PPP2R2A: variants seen among roughly 807,000 people sequenced by gnomAD.
PPP2R2A encodes serine/threonine-protein phosphatase 2A 55 kDa regulatory subunit B alpha isoform.
In PPP2R2A, 9 loss-of-function variants were observed where a neutral mutation model predicts 53.2. The observed-to-expected ratio is 0.17, with a 90% CI of 0.10 to 0.30. PPP2R2A has a LOEUF of 0.30. Among genes scored for constraint, PPP2R2A ranks in the 10% least tolerant of loss-of-function variants. The probability of loss-of-function intolerance (pLI) is 1.00; values close to 1 mark genes in which losing one functional copy is unlikely to be tolerated. For synonymous variants in PPP2R2A, 169 were observed against 174.2 expected (o/e 0.97, Z 0.23); for missense variants, 235 against 534.6 (o/e 0.44, Z 5.53).
At position 26,370,332 on chromosome 8, in the gene PPP2R2A, C is replaced by T. The variant is rs1019920773; in HGVS notation, c.1263C>T (p.His421=). The T allele has an allele frequency of 2.5e-6, 4 of 1,614,162 alleles. No individual in the cohort carries two copies. Among genetic ancestry groups the T allele is most frequent in the Middle Eastern group, 1.6e-4 (1 of 6,062 alleles). The change falls in exon 10 of 10, where the codon CAC becomes CAT. Residue 421 remains histidine (H), a synonymous_variant. Transcript: ENST00000380737. This position sits in a 1 kb window ranked among gnomAD's most constrained non-coding sequence, Gnocchi z 6.1. The part of the protein sequence containing the change: ...DSLDFNKKIL[H]TAWHPKENII... ...TAGACTTCAATAAGAAAATCCTTCA[C>T]ACAGCCTGGCACCCCAAGGAAAATA...
At chr8:26,366,041 C>T (rs1285992253) in intron 8 of PPP2R2A, 2 of 302,940 alleles carry the variant, frequency 6.6e-6, no homozygotes, top group Non-Finnish European at 1.2e-5. Context: ...GTGTTTTTGG[C>T]CTGAATGTTT....
At chr8:26,358,676 T>C (rs1300979531) in intron 4 of PPP2R2A, among the ~76,000 whole-genome samples, 1 of 152,214 alleles carries the variant, frequency 6.6e-6, no homozygotes. Flanking sequence ...ATAAACAATT[T>C]TGTTACACCA....
rs1411423079 is a variant in PPP2R2A, at chr8:26,321,141, G to C, written c.83-17749G>C. Among the ~76,000 whole-genome samples the C allele has an allele frequency of 6.6e-6, 1 of 152,202 alleles. No individual in the cohort carries two copies. Among genetic ancestry groups the C allele is most frequent in the East Asian group, 1.9e-4 (1 of 5,196 alleles). ...AGAAACATCGTGAGAGAAGGCCTTA[G>C]TGTTCATTTCTGTGGTTGTGAAGCG... On this transcript the variant is annotated intron_variant, in intron 2 of 9. Coordinates refer to ENST00000380737, the MANE Select transcript of PPP2R2A (RefSeq NM_002717.4). This position sits in a 1 kb window ranked among gnomAD's most constrained non-coding sequence, Gnocchi z 4.1.
At chr8:26,309,793 G>A (rs1235938736) in intron 2 of PPP2R2A, among the ~76,000 whole-genome samples, 2 of 152,188 alleles carry the variant, frequency 1.3e-5, no homozygotes, top group African/African-American at 4.8e-5. Flanking sequence ...GGAGCAGTCA[G>A]AACACGCAGC....
chr8:26,291,729 C>T lies in PPP2R2A; in HGVS notation c.-91C>T, dbSNP rs1438004108. On this transcript the variant is annotated 5_prime_UTR_variant, in exon 1 of 10. Transcript: ENST00000380737. The stretch of plus-strand genomic sequence containing the variant: ...GCAGGTGCCATCCGCCGCCATCCGC[C>T]CTCTCTACCCCCCCATCCCCAGGTG... 3.6e-6 allele frequency: 5 copies of T among 1,406,844 alleles called. No individual in the cohort carries two copies. Among genetic ancestry groups the T allele is most frequent in the East Asian group, 2.7e-5 (1 of 36,892 alleles). 87.1% of individuals were successfully genotyped at this position (1,406,844 alleles called of 1,614,324 possible). A position where few individuals can be genotyped will look rare whatever the true frequency, so the allele number is the denominator to read the frequency against.
Position 26,366,354 on chromosome 8 carries a change from GA to G in PPP2R2A, c.1016del (p.Asn339MetfsTer20). 6.2e-7 allele frequency: 1 copy of G among 1,603,920 alleles called. No individual in the cohort carries two copies. Among genetic ancestry groups the G allele is most frequent in the South Asian group, 1.1e-5 (1 of 88,250 alleles). On this transcript the variant is annotated frameshift_variant, in exon 9 of 10. Transcript: ENST00000380737. LOFTEE classifies it high-confidence loss of function. ...YLRSKLCSLY[E>X]NDCIFDKFEC... ...CAGAAGTAAACTCTGTTCACTGTAT[GA>G]AAATGACTGCATATTTGACAAATTT...
chr8:26,357,851 T>C lies in PPP2R2A; in HGVS notation c.347-2318T>C, dbSNP rs532207584. On this transcript the variant is annotated intron_variant, in intron 4 of 9. Transcript: ENST00000380737. Reference sequence around the variant, plus strand: ...AGGGGAACACCACAGTGTGGTCGTTTTGGAAGGAACAGATCTTGAGAATCT... The same window carrying C: ...AGGGGAACACCACAGTGTGGTCGTTCTGGAAGGAACAGATCTTGAGAATCT... Among the ~76,000 whole-genome samples the C allele has an allele frequency of 6.6e-5, 10 of 152,166 alleles. No individual in the cohort carries two copies. The South Asian group carries it at 1.0e-3, about 16-fold the overall frequency.
intron 2 of PPP2R2A, among the ~76,000 whole-genome samples, chr8:26,313,776 A>G (rs1346697110): frequency 6.6e-6 from 1 of 152,240 alleles, no homozygotes; most frequent in East Asian, 1.9e-4. Context: ...TCCAGAAGCG[A>G]GGAAAGGCAA....
intron 2 of PPP2R2A, among the ~76,000 whole-genome samples, chr8:26,305,829 G>A (rs1801990886): frequency 6.6e-6 from 1 of 151,838 alleles, no homozygotes; most frequent in Admixed American, 6.6e-5. Flanking sequence ...ATTGAGATGG[G>A]GATGTAGTAC....
At chr8:26,330,991 G>A (rs1237973092) in intron 2 of PPP2R2A, among the ~76,000 whole-genome samples, 2 of 152,088 alleles carry the variant, frequency 1.3e-5, no homozygotes, top group African/African-American at 4.8e-5. Context: ...ACCTGCTGGT[G>A]GGGATTTCTC....
chr8:26,345,194 A>G (rs1340219288), intron 3 of PPP2R2A, among the ~76,000 whole-genome samples: 1 of 152,190 alleles, frequency 6.6e-6, no homozygotes. Flanking sequence ...TTCTCCACCA[A>G]AAACAACTCC....
chr8:26,308,316 C>G (rs1585333077), intron 2 of PPP2R2A, among the ~76,000 whole-genome samples: 1 of 152,208 alleles, frequency 6.6e-6, no homozygotes, highest in East Asian at 1.9e-4. Flanking sequence ...CATCAGTTGA[C>G]TCTTTCATGA....
chr8:26,345,799 C>T (rs1345494374), intron 3 of PPP2R2A, among the ~76,000 whole-genome samples: 1 of 152,024 alleles, frequency 6.6e-6, no homozygotes, highest in Non-Finnish European at 1.5e-5. Flanking sequence ...TACTTTACGC[C>T]TTAATACTCC....
At chr8:26,298,074 G>A (rs1300995951) in intron 2 of PPP2R2A, among the ~76,000 whole-genome samples, 2 of 152,228 alleles carry the variant, frequency 1.3e-5, no homozygotes, top group Non-Finnish European at 2.9e-5. Flanking sequence ...CTACCCTTAA[G>A]CTGTTGGAAA....
At chr8:26,293,131 C>CT in intron 1 of PPP2R2A, 5 of 1,097,908 alleles carry the variant, frequency 4.6e-6, no homozygotes, top group Non-Finnish European at 6.4e-6. Context: ...CTTTTCCTCT[C>CT]TGTCTGGAGC....
At chr8:26,312,791 C>A (rs1802350199) in intron 2 of PPP2R2A, among the ~76,000 whole-genome samples, 1 of 152,100 alleles carries the variant, frequency 6.6e-6, no homozygotes, top group Admixed American at 6.5e-5. Context: ...TGCTTCCTTA[C>A]CCTTGAGGCA....
rs112824097 is a variant in PPP2R2A at position 26,325,768 on chromosome 8, C to T, written c.83-13122C>T. 4.6e-3 allele frequency among the ~76,000 whole-genome samples: 708 copies of T among 152,288 alleles called. 7 individuals carry two copies. The highest frequency in any genetic ancestry group is 0.016 in the African/African-American group (685 of 41,546). On this transcript the variant is annotated intron_variant, in intron 2 of 9. Transcript: ENST00000380737. ...TAAATGGGTATATTGATACAGCCAACTTAATAGTTTTGTTGTGATGATTAA... is the reference window on the plus strand; with the variant it reads ...TAAATGGGTATATTGATACAGCCAATTTAATAGTTTTGTTGTGATGATTAA...
chr8:26,324,719 G>T (rs4871972), intron 2 of PPP2R2A, among the ~76,000 whole-genome samples: 4 of 152,126 alleles, frequency 2.6e-5, no homozygotes, highest in African/African-American at 9.6e-5. Flanking sequence ...ACCATGCCCC[G>T]GGAAAAGCTG....
chr8:26,343,667 C>T (rs1196025027), intron 3 of PPP2R2A, among the ~76,000 whole-genome samples: 1 of 151,934 alleles, frequency 6.6e-6, no homozygotes, highest in Non-Finnish European at 1.5e-5. Flanking sequence ...CGTGAGCCAC[C>T]GTGCCTGGCC....
Sources: gnomAD v4.1 joint callset for allele counts (sites outside exome capture counted in the v4.1 genomes callset) on GRCh38, gnomAD v4.1.1 for gene constraint, Gnocchi (gnomAD v3.1) non-coding constraint, MANE v1.5 for transcripts, NCBI Gene and HGNC (gene_info 2026-07-23, HGNC 2026-07-21) for gene names.